Variants in APOBEC3B observed in about 807,000 individuals in gnomAD.
APOBEC3B encodes the protein apolipoprotein B mRNA editing enzyme catalytic subunit 3B, also known as DNA dC->dU-editing enzyme APOBEC-3B.
In APOBEC3B, 29 loss-of-function variants were observed where a neutral mutation model predicts 53.4. The ratio of observed to expected loss-of-function variants is 0.54; its 90% CI spans 0.40 to 0.74. APOBEC3B has a LOEUF of 0.74. Among genes scored for constraint, APOBEC3B ranks in the 30% least tolerant of loss-of-function variants. APOBEC3B has a pLI of 0.00. For missense variants in APOBEC3B, 347 were observed against 496.2 expected (o/e 0.70, Z 2.86); for synonymous variants, 132 against 184.8 (o/e 0.71, Z 2.32).
intron 4 of APOBEC3B, among the ~76,000 whole-genome samples, chr22:38,986,735 T>G (rs1166824625): frequency 5.4e-5 from 8 of 148,860 alleles, no homozygotes; most frequent in African/African-American, 2.0e-4. Flanking sequence ...AGCTCAGCCT[T>G]CCAGGGAACA....
intron 4 of APOBEC3B, among the ~76,000 whole-genome samples, chr22:38,988,683 C>CTTTCTTTCTTTCTT (rs779025117): frequency 1.7e-4 from 8 of 47,520 alleles, no homozygotes; most frequent in Non-Finnish European, 2.7e-4. Context: ...TTCTCTCTTT[C>CTTTCTTTCTTTCTT]TCTTTCTTTC....
At position 38,986,301 on chromosome 22, in the gene APOBEC3B, T is replaced by C. The variant is rs967282166; in HGVS notation, c.458T>C (p.Phe153Ser). 6.3e-7 allele frequency: 1 copy of C among 1,593,070 alleles called. No homozygotes were observed. The highest frequency in any genetic ancestry group is 1.3e-5 in the African/African-American group (1 of 74,202). Residue 153 changes from phenylalanine (F) to serine (S), a missense_variant, in exon 4 of 8, where the codon TTT becomes TCT. Physicochemically the swap from Phe to Ser is radical, Grantham distance 155. This residue lies in a region of APOBEC3B where 156 missense variants were observed against 166.7 expected (regional missense o/e 0.94). Coordinates refer to ENST00000333467, the MANE Select transcript of APOBEC3B (RefSeq NM_004900.5). ...GCTTCCCGCTTCTTCATCTCAGAATTTGCATACTGCTGGGAAAACTTTGTG... is the reference window on the plus strand; with the variant it reads ...GCTTCCCGCTTCTTCATCTCAGAATCTGCATACTGCTGGGAAAACTTTGTG... ...ARVTIMDYEE[F>S]AYCWENFVYN... is the part of the protein sequence containing the mutation.
In APOBEC3B at chr22:38,982,676, A is replaced by T. The variant is rs191137305; in HGVS notation, c.17+206A>T. 2.9e-3 allele frequency among the ~76,000 whole-genome samples: 429 copies of T among 146,040 alleles called. 27 individuals are homozygous for T. Among genetic ancestry groups the T allele is most frequent in the Non-Finnish European group, 4.8e-3 (318 of 66,724 alleles). ...TGCTTCTGAATGGGCTGCCTCCCCT[A>T]CCTGCACCAGCCCAGGCCCCGTGCT... On this transcript the variant is annotated intron_variant, in intron 1 of 7. Coordinates refer to ENST00000333467, the MANE Select transcript of APOBEC3B (RefSeq NM_004900.5).
chr22:38,982,812 A>C (rs1209698319), intron 1 of APOBEC3B, among the ~76,000 whole-genome samples: 1 of 148,806 alleles, frequency 6.7e-6, no homozygotes, highest in East Asian at 2.2e-4. Context: ...AATTGAACCA[A>C]AGGGTAATTG....
Position 38,986,055 on chromosome 22 carries a change from C to A in APOBEC3B, c.418C>A (p.Gln140Lys), listed in dbSNP as rs1256384223. The A allele has an allele frequency of 3.8e-6, 6 of 1,592,488 alleles. No individual in the cohort carries two copies. The highest frequency in any genetic ancestry group is 4.3e-6 in the Non-Finnish European group (5 of 1,172,562). ...CCGAAGGGCGCTCTGCAGGCTGAGT[C>A]AGGCAGGAGCCCGCGTGACGATCAT... ...DYRRALCRLS[Q>K]AGARVTIMDY... is the part of the protein sequence containing the mutation. The change falls in exon 3 of 8, where the codon CAG becomes AAG. Residue 140 changes from glutamine (Q) to lysine (K), a missense_variant. Physicochemically the swap from Gln to Lys is moderately conservative, Grantham distance 53. Transcript: ENST00000333467.
Position 38,991,505 on chromosome 22 carries a change from G to A in APOBEC3B, c.897G>A (p.Glu299=), listed in dbSNP as rs779417531. 6.3e-7 allele frequency: 1 copy of A among 1,593,922 alleles called. No homozygotes were observed. Among genetic ancestry groups the A allele is most frequent in the African/African-American group, 1.3e-5 (1 of 74,450 alleles). Residue 299 remains glutamate, a synonymous_variant, in exon 6 of 8, where the codon GAG becomes GAA. Coordinates refer to ENST00000333467, the MANE Select transcript of APOBEC3B (RefSeq NM_004900.5). ...CAGEVRAFLQ[E]NTHVRLRIFA... ...GGGAAGTGCGTGCGTTCCTTCAGGA[G>A]AACACACACGTGAGACTGCGCATCT...
Position 38,986,117 on chromosome 22 carries a change from C to T in APOBEC3B, c.454+26C>T, listed in dbSNP as rs373888529. On this transcript the variant is annotated intron_variant, in intron 3 of 7. Coordinates refer to ENST00000333467, the MANE Select transcript of APOBEC3B (RefSeq NM_004900.5). ...GTGAGAGGTGGAGGGGTCAGGGGAG[C>T]GTGAGCGGGAGGAACAGCATGAAAG... 1.2e-4 allele frequency: 191 copies of T among 1,586,206 alleles called. 10 individuals are homozygous for T. The highest frequency in any genetic ancestry group is 1.6e-4 in the Non-Finnish European group (182 of 1,168,718).
At chr22:38,983,981 A>C in intron 1 of APOBEC3B, 94 bp from the exon 2 acceptor site, 1 of 1,437,476 alleles carries the variant, frequency 7.0e-7, no homozygotes, top group Non-Finnish European at 9.3e-7. Flanking sequence ...GGGGAGGCCC[A>C]GGGCCATCCT....
chr22:38,984,594 G>A (rs1473610206), intron 2 of APOBEC3B, among the ~76,000 whole-genome samples: 2 of 148,684 alleles, frequency 1.3e-5, no homozygotes, highest in Non-Finnish European at 3.0e-5. Flanking sequence ...AGGAGAGACA[G>A]TAAAGGAATT....
intron 4 of APOBEC3B, among the ~76,000 whole-genome samples, chr22:38,986,687 C>T (rs1923754314): frequency 1.3e-5 from 2 of 148,946 alleles, no homozygotes; most frequent in Admixed American, 6.9e-5. Flanking sequence ...GGACACCAGC[C>T]GCTGCCCTTC....
At chr22:38,986,943 G>C (rs1251842415) in intron 4 of APOBEC3B, among the ~76,000 whole-genome samples, 2 of 148,522 alleles carry the variant, frequency 1.3e-5, no homozygotes, top group Non-Finnish European at 3.0e-5. Context: ...CTGGGGACGG[G>C]GGGGGTCCCT....
rs1201363494 is a variant in APOBEC3B, at chr22:38,989,504, C to G, written c.617C>G (p.Pro206Arg). Residue 206 changes from proline to arginine, a missense_variant, in exon 5 of 8, where the codon CCT becomes CGT. Pro to Arg is a moderately radical substitution (Grantham distance 103). This residue lies in a region of APOBEC3B where 156 missense variants were observed against 166.7 expected (regional missense o/e 0.94). Coordinates refer to ENST00000333467, the MANE Select transcript of APOBEC3B (RefSeq NM_004900.5). ...DTFTFNFNND[P>R]LVLRRRQTYL... ...TTCACTTTCAACTTTAATAATGACC[C>G]TTTGGTCCTTCGACGGCGCCAGACC... is the stretch of plus-strand genomic sequence containing the variant. The G allele has an allele frequency of 2.2e-5, 35 of 1,588,664 alleles. 3 individuals are homozygous for G. Among genetic ancestry groups the G allele is most frequent in the Non-Finnish European group, 2.7e-5 (32 of 1,169,164 alleles).
rs1163997105 is a variant in APOBEC3B, at chr22:38,992,344, G to A, written c.1135-87G>A. On this transcript the variant is annotated intron_variant, in intron 7 of 7. Transcript: ENST00000333467. ...CTCCCGCATCCCTCCCTCCTCTCCCGTCATTGTCACTGTCCCCAGGCCACC... is the reference window on the plus strand; with the variant it reads ...CTCCCGCATCCCTCCCTCCTCTCCCATCATTGTCACTGTCCCCAGGCCACC... 1.7e-5 allele frequency: 27 copies of A among 1,547,750 alleles called. 1 individual carries two copies. Among genetic ancestry groups the A allele is most frequent in the South Asian group, 7.0e-5 (6 of 85,434 alleles).
chr22:38,988,669 C>CTCTT (rs879859081), intron 4 of APOBEC3B, among the ~76,000 whole-genome samples: 3 of 11,650 alleles, frequency 2.6e-4, no homozygotes, highest in Non-Finnish European at 5.7e-4. Context: ...TGCTTCCTCT[C>CTCTT]TCTTTCTCTC....
Position 38,991,482 on chromosome 22 carries a change from G to A in APOBEC3B, c.874G>A (p.Glu292Lys), listed in dbSNP as rs1923993721. ...SPCFSWGCAGEVRAFLQENTH... is the reference protein window; with the variant it reads ...SPCFSWGCAGKVRAFLQENTH... Reference sequence around the variant, plus strand: ...CTGCTTCTCCTGGGGCTGTGCCGGGGAAGTGCGTGCGTTCCTTCAGGAGAA... The same window carrying A: ...CTGCTTCTCCTGGGGCTGTGCCGGGAAAGTGCGTGCGTTCCTTCAGGAGAA... Residue 292 changes from glutamate (E) to lysine (K), a missense_variant, in exon 6 of 8, where the codon GAA becomes AAA. Glu to Lys is a moderately conservative substitution (Grantham distance 56, BLOSUM62 1). This residue lies in a region of APOBEC3B where 20 missense variants were observed against 83.9 expected (regional missense o/e 0.24). Coordinates refer to ENST00000333467, the MANE Select transcript of APOBEC3B (RefSeq NM_004900.5). 1 of 1,593,594 alleles carries A rather than the reference G, an allele frequency of 6.3e-7. No individual in the cohort carries two copies. The highest frequency in any genetic ancestry group is 1.1e-5 in the South Asian group (1 of 88,776).
chr22:38,991,284 C>G, intron 5 of APOBEC3B, 48 bp from the exon 6 acceptor site: 2 of 1,269,052 alleles, frequency 1.6e-6, no homozygotes, highest in Non-Finnish European at 2.2e-6. Flanking sequence ...TCCAGGCGCT[C>G]CCTCCCTGTT....
chr22:38,991,768 A>C, intron 6 of APOBEC3B, 142 bp downstream of exon 6: 1 of 1,287,106 alleles, frequency 7.8e-7, no homozygotes, highest in Middle Eastern at 2.7e-4. Context: ...ATGGGAAGAG[A>C]GAGGCCAGGC....
chr22:38,986,137 T>A lies in APOBEC3B; in HGVS notation c.454+46T>A, dbSNP rs747471007. On this transcript the variant is annotated intron_variant, in intron 3 of 7. Transcript: ENST00000333467. ...GGGAGCGTGAGCGGGAGGAACAGCA[T>A]GAAAGATGGATGGATCTGCAATGCC... 15 of 1,579,022 alleles carry A rather than the reference T, an allele frequency of 9.5e-6. 1 individual carries two copies. Among genetic ancestry groups the A allele is most frequent in the Admixed American group, 1.8e-5 (1 of 55,424 alleles).
rs755772574 is a variant in APOBEC3B at position 38,986,320 on chromosome 22, CTT to C, written c.479_480del (p.Phe160CysfsTer4). On this transcript the variant is annotated frameshift_variant, in exon 4 of 8. Coordinates refer to ENST00000333467, the MANE Select transcript of APOBEC3B (RefSeq NM_004900.5). LOFTEE classifies it high-confidence loss of function. ...YEEFAYCWEN[F>X]VYNEGQQFMP... ...CAGAATTTGCATACTGCTGGGAAAA[CTT>C]TGTGTACAATGAAGGTCAGCAATTC... The C allele has an allele frequency of 3.1e-6, 5 of 1,593,700 alleles. 1 individual carries two copies. The South Asian group carries it at 4.5e-5, about 14-fold the overall frequency.
Sources: allele counts gnomAD v4.1 joint callset (sites outside exome capture counted in the v4.1 genomes callset), GRCh38; gene constraint gnomAD v4.1.1; regional missense constraint gnomAD v4.1.1; transcripts MANE v1.5; gene names NCBI Gene and HGNC (gene_info 2026-07-23, HGNC 2026-07-21).